Variants in NAA35 observed in about 807,000 individuals in gnomAD.
The protein encoded by NAA35 is MAK10 homolog, amino-acid N-acetyltransferase subunit.
NAA35 carries 18 observed loss-of-function variants against 101.7 expected under a neutral mutation model. That is an observed-to-expected ratio of 0.18 (90% CI 0.12 to 0.26). The LOEUF is 0.26. NAA35 is among the 10% of genes least tolerant of loss of function. The pLI, the probability that NAA35 is intolerant of heterozygous loss-of-function variation, is 1.00. For synonymous variants in NAA35, 267 were observed against 273.1 expected (o/e 0.98, Z 0.22); for missense variants, 601 against 886.8 (o/e 0.68, Z 4.09).
intron 6 of NAA35, among the ~76,000 whole-genome samples, chr9:85,965,185 A>G (rs1829691961): frequency 6.6e-6 from 1 of 152,228 alleles, no homozygotes; most frequent in African/African-American, 2.4e-5. Context: ...TTTCACTTCT[A>G]GCACTCTATC....
At chr9:86,002,070 A>G (rs1422798485) in intron 12 of NAA35, among the ~76,000 whole-genome samples, 28 of 152,150 alleles carry the variant, frequency 1.8e-4, no homozygotes, top group Non-Finnish European at 8.8e-5. Context: ...GGTGGTAATG[A>G]AGTCCCTCAA....
At chr9:85,964,991 G>T (rs2117924152) in intron 6 of NAA35, among the ~76,000 whole-genome samples, 1 of 152,276 alleles carries the variant, frequency 6.6e-6, no homozygotes, top group South Asian at 2.1e-4. Context: ...TGTTTACTGT[G>T]ATGGTTGCAA....
intron 11 of NAA35, among the ~76,000 whole-genome samples, chr9:85,980,139 A>G (rs777359353): frequency 1.3e-5 from 2 of 152,186 alleles, no homozygotes; most frequent in Non-Finnish European, 2.9e-5. Context: ...GAAGAAATGC[A>G]TAGGGTGAAG....
intron 13 of NAA35, among the ~76,000 whole-genome samples, chr9:86,004,480 A>C (rs1831547099): frequency 6.6e-6 from 1 of 152,104 alleles, no homozygotes; most frequent in East Asian, 1.9e-4. Flanking sequence ...ACCCTGTCAA[A>C]AAAAAAAAGT....
chr9:85,981,874 C>G, intron 11 of NAA35, among the ~76,000 whole-genome samples: 1 of 152,060 alleles, frequency 6.6e-6, no homozygotes, highest in African/African-American at 2.4e-5. Context: ...TAGTTTTGGT[C>G]TCTACTCATT....
chr9:86,018,553 G>GA, intron 20 of NAA35, 146 bp from the exon 21 acceptor site: 1 of 1,312,282 alleles, frequency 7.6e-7, no homozygotes, highest in Non-Finnish European at 1.0e-6. Flanking sequence ...TATTACCTAG[G>GA]AAAAAATAGG....
chr9:85,963,544 C>T (rs2117909290), intron 6 of NAA35, among the ~76,000 whole-genome samples: 1 of 152,230 alleles, frequency 6.6e-6, no homozygotes, highest in Non-Finnish European at 1.5e-5. Flanking sequence ...TCTGAAATTA[C>T]AGGCATGAAC....
intron 5 of NAA35, among the ~76,000 whole-genome samples, chr9:85,961,270 G>A (rs145738199): frequency 6.6e-6 from 1 of 152,082 alleles, no homozygotes; most frequent in East Asian, 1.9e-4. Flanking sequence ...CAGAATTCTT[G>A]GGCTTAAGGT....
Position 85,977,345 on chromosome 9 carries a change from C to G in NAA35, c.679-18C>G. 6.3e-7 allele frequency: 1 copy of G among 1,579,306 alleles called. No homozygotes were observed. Among genetic ancestry groups the G allele is most frequent in the Non-Finnish European group, 8.7e-7 (1 of 1,149,390 alleles). ...GGCTTTGCATCTTTTAACTTTTAGT[C>G]CTTTCTTGTTTTTTTAGCACCAACA... On this transcript the variant is annotated intron_variant, in intron 9 of 22. Coordinates refer to ENST00000361671, the MANE Select transcript of NAA35 (RefSeq NM_024635.4).
chr9:85,942,425 C>A, intron 2 of NAA35, 142 bp downstream of exon 2: 1 of 1,109,218 alleles, frequency 9.0e-7, no homozygotes, highest in South Asian at 1.6e-5. Context: ...TCTGTATCCT[C>A]TAATTTTAAC....
At chr9:85,961,031 A>C (rs1829490409) in intron 5 of NAA35, among the ~76,000 whole-genome samples, 1 of 152,142 alleles carries the variant, frequency 6.6e-6, no homozygotes, top group Non-Finnish European at 1.5e-5. Flanking sequence ...AGAGTGGTGG[A>C]GAAGGAGGAA....
intron 17 of NAA35, among the ~76,000 whole-genome samples, chr9:86,015,021 C>T (rs1420440258): frequency 6.6e-6 from 1 of 152,154 alleles, no homozygotes; most frequent in Non-Finnish European, 1.5e-5. Flanking sequence ...ACCTCAGCCT[C>T]TCAAGTAGGT....
Position 86,010,812 on chromosome 9 carries a change from C to T in NAA35, c.1290+881C>T, listed in dbSNP as rs535281504. ...TAGGATGGTCTCGATCTCCTAACCTCGTGATCCACCCGCCTTGGCCTCCCA... is the reference window on the plus strand; with the variant it reads ...TAGGATGGTCTCGATCTCCTAACCTTGTGATCCACCCGCCTTGGCCTCCCA... On this transcript the variant is annotated intron_variant, in intron 15 of 22. Coordinates refer to ENST00000361671, the MANE Select transcript of NAA35 (RefSeq NM_024635.4). Among the ~76,000 whole-genome samples the T allele has an allele frequency of 4.2e-3, 636 of 151,056 alleles. 4 individuals are homozygous for T. Among genetic ancestry groups the T allele is most frequent in the African/African-American group, 0.015 (605 of 41,258 alleles).
chr9:85,993,882 C>T (rs938082234), intron 11 of NAA35, among the ~76,000 whole-genome samples: 3 of 152,104 alleles, frequency 2.0e-5, no homozygotes, highest in Admixed American at 1.3e-4. Flanking sequence ...AGTCACGGCT[C>T]ACTACAGCCT....
At chr9:86,002,969 G>A (rs759646641) in intron 12 of NAA35, among the ~76,000 whole-genome samples, 8 of 152,126 alleles carry the variant, frequency 5.3e-5, no homozygotes, top group Non-Finnish European at 1.2e-4. Flanking sequence ...CTCTGTGTGT[G>A]GATGTTCCTT....
At chr9:85,981,643 T>C (rs1487068273) in intron 11 of NAA35, among the ~76,000 whole-genome samples, 3 of 152,206 alleles carry the variant, frequency 2.0e-5, no homozygotes, top group African/African-American at 7.2e-5. Flanking sequence ...AAAATTGGCT[T>C]GAATAAACCT....
intron 6 of NAA35, among the ~76,000 whole-genome samples, chr9:85,966,098 C>T (rs1047638384): frequency 6.6e-6 from 1 of 152,088 alleles, no homozygotes; most frequent in Non-Finnish European, 1.5e-5. Flanking sequence ...TTCCACCACA[C>T]GTGGCTAATT....
intron 17 of NAA35, chr9:86,014,420 G>A (rs1255120685): frequency 1.1e-6 from 1 of 931,730 alleles, no homozygotes. Context: ...CTAGTAAGAG[G>A]ATGTTTGGAA....
intron 12 of NAA35, among the ~76,000 whole-genome samples, chr9:85,997,444 C>G (rs895774033): frequency 6.6e-6 from 1 of 150,930 alleles, no homozygotes; most frequent in African/African-American, 2.4e-5. Flanking sequence ...CAGACTCAAG[C>G]TGTCATTCCA....
Sources: allele counts gnomAD v4.1 joint callset (sites outside exome capture counted in the v4.1 genomes callset), GRCh38; gene constraint gnomAD v4.1.1; transcripts MANE v1.5; gene names NCBI Gene and HGNC (gene_info 2026-07-23, HGNC 2026-07-21).